Variants in IGF2BP2 observed in about 807,000 individuals in gnomAD.
The protein encoded by IGF2BP2 is insulin-like growth factor 2 mRNA-binding protein 2.
A neutral mutation model predicts 75.8 loss-of-function variants in IGF2BP2; 17 were observed. The observed-to-expected ratio is 0.22, with a 90% CI of 0.15 to 0.34. The LOEUF (loss-of-function observed/expected upper bound fraction) is 0.34, where lower values mean the gene tolerates loss of function less well. IGF2BP2 is among the 10% of genes least tolerant of loss of function. IGF2BP2 has a pLI of 1.00. For synonymous variants in IGF2BP2, 288 were observed against 295.6 expected (o/e 0.97, Z 0.26); for missense variants, 516 against 772.4 (o/e 0.67, Z 3.93).
chr3:185,803,760 G>A (rs1381423481), intron 2 of IGF2BP2, among the ~76,000 whole-genome samples: 1 of 152,190 alleles, frequency 6.6e-6, no homozygotes, highest in Non-Finnish European at 1.5e-5. Flanking sequence ...TTCCTTTAAA[G>A]GGGGGTAGGG....
At chr3:185,652,039 A>T in intron 13 of IGF2BP2, 55 bp downstream of exon 13, 1 of 1,409,036 alleles carries the variant, frequency 7.1e-7, no homozygotes. Context: ...TGTGCCTCTG[A>T]GGTGGCTGCT....
At chr3:185,667,030 A>G (rs1717750686) in intron 10 of IGF2BP2, among the ~76,000 whole-genome samples, 1 of 152,250 alleles carries the variant, frequency 6.6e-6, no homozygotes, top group Admixed American at 6.5e-5. Context: ...GTCAAATAGT[A>G]TAAAACACAC....
At chr3:185,713,205 C>A (rs1725072690) in intron 2 of IGF2BP2, 4 of 347,422 alleles carry the variant, frequency 1.2e-5, no homozygotes, top group South Asian at 9.1e-5. Context: ...ACCACCAGGT[C>A]AAAGTTCACA....
At chr3:185,781,663 T>A (rs1383993930) in intron 2 of IGF2BP2, among the ~76,000 whole-genome samples, 1 of 152,194 alleles carries the variant, frequency 6.6e-6, no homozygotes, top group Non-Finnish European at 1.5e-5. Flanking sequence ...CCAAGTCTTA[T>A]GGGAAAAGCT....
At chr3:185,752,022 T>C (rs1391823518) in intron 2 of IGF2BP2, among the ~76,000 whole-genome samples, 1 of 152,200 alleles carries the variant, frequency 6.6e-6, no homozygotes, top group Non-Finnish European at 1.5e-5. Context: ...GTGTAGGTAT[T>C]TATGAAAATG....
intron 2 of IGF2BP2, among the ~76,000 whole-genome samples, chr3:185,714,160 CCTTT>C (rs1725244967): frequency 6.6e-6 from 1 of 151,628 alleles, no homozygotes; most frequent in South Asian, 2.1e-4. Flanking sequence ...TGAATACATT[CCTTT>C]TTTTTTTTAC....
At chr3:185,735,853 A>AT (rs1486038505) in intron 2 of IGF2BP2, among the ~76,000 whole-genome samples, 1 of 152,194 alleles carries the variant, frequency 6.6e-6, no homozygotes, top group Non-Finnish European at 1.5e-5. Flanking sequence ...AGTGGAGCTC[A>AT]TTAAGTTTGT....
At chr3:185,731,887 CAGG>C (rs1362043683) in intron 2 of IGF2BP2, among the ~76,000 whole-genome samples, 7 of 151,880 alleles carry the variant, frequency 4.6e-5, no homozygotes, top group Admixed American at 1.3e-4. Context: ...GAGGCTGAGG[CAGG>C]AGAATGGCGT....
At chr3:185,821,576 A>C (rs1454929620) in intron 2 of IGF2BP2, among the ~76,000 whole-genome samples, 1 of 152,226 alleles carries the variant, frequency 6.6e-6, no homozygotes, top group Non-Finnish European at 1.5e-5. Context: ...CATATACCAC[A>C]AAATTAAATA....
At chr3:185,803,997 G>T (rs1179473767) in intron 2 of IGF2BP2, among the ~76,000 whole-genome samples, 4 of 152,146 alleles carry the variant, frequency 2.6e-5, no homozygotes. Flanking sequence ...AGCGGCTCAC[G>T]CCTATAATCC....
intron 2 of IGF2BP2, among the ~76,000 whole-genome samples, chr3:185,808,469 A>G (rs956370093): frequency 1.3e-5 from 2 of 152,188 alleles, no homozygotes; most frequent in Non-Finnish European, 2.9e-5. Context: ...AACAAGAGCT[A>G]AACTCCGTCT....
Position 185,647,284 on chromosome 3 carries a change from C to T in IGF2BP2, c.1594-146G>A, listed in dbSNP as rs531632213. ...TCCTTTCCTTTTATCAAGGACACCC[C>T]GGGGGCTCCTCTGCCCCTGAGCACA... On this transcript the variant is annotated intron_variant, in intron 14 of 15. Coordinates refer to ENST00000382199, the MANE Select transcript of IGF2BP2 (RefSeq NM_006548.6). The surrounding 1 kb of genome is among the most constrained non-coding windows in gnomAD (Gnocchi z 4.9). The T allele has an allele frequency of 6.5e-5, 43 of 659,444 alleles. No individual in the cohort carries two copies. Among genetic ancestry groups the T allele is most frequent in the Admixed American group, 1.1e-4 (5 of 44,050 alleles). 40.8% of individuals were successfully genotyped at this position (659,444 alleles called of 1,614,324 possible).
intron 2 of IGF2BP2, among the ~76,000 whole-genome samples, chr3:185,798,411 A>G (rs1359319524): frequency 3.9e-5 from 6 of 152,184 alleles, no homozygotes; most frequent in African/African-American, 9.7e-5. Context: ...TACGAGTACA[A>G]ATAGTGTTAA....
At chr3:185,793,598 A>G (rs1320761664) in intron 2 of IGF2BP2, among the ~76,000 whole-genome samples, 4 of 152,176 alleles carry the variant, frequency 2.6e-5, no homozygotes, top group Non-Finnish European at 4.4e-5. Flanking sequence ...CCAAAAAGAA[A>G]CAACTTTGAT....
intron 2 of IGF2BP2, among the ~76,000 whole-genome samples, chr3:185,732,010 T>C (rs1344116191): frequency 1.3e-5 from 2 of 152,112 alleles, no homozygotes; most frequent in Admixed American, 1.3e-4. Context: ...TCCGGACTTC[T>C]TGTGGTTTCC....
Position 185,643,663 on chromosome 3 carries a change from G to T in IGF2BP2, c.*1868C>A, listed in dbSNP as rs1713003640. The T allele has an allele frequency of 6.6e-6, 1 of 152,390 alleles. No homozygotes were observed. Among genetic ancestry groups the T allele is most frequent in the Admixed American group, 6.6e-5 (1 of 15,262 alleles). 9.4% of individuals were successfully genotyped at this position (152,390 alleles called of 1,614,324 possible). On this transcript the variant is annotated 3_prime_UTR_variant, in exon 16 of 16. Coordinates refer to ENST00000382199, the MANE Select transcript of IGF2BP2 (RefSeq NM_006548.6). ...TCACACCTACCGCCTGTCTGCCCAG[G>T]TCCCTCAGAGCTAGGACTCAGCTGA...
intron 2 of IGF2BP2, among the ~76,000 whole-genome samples, chr3:185,732,586 C>T (rs1257899884): frequency 1.3e-5 from 2 of 152,114 alleles, no homozygotes; most frequent in African/African-American, 4.8e-5. Context: ...CTACAAGGAC[C>T]CTCCCTAGGG....
At chr3:185,683,277 G>A (rs1348264499) in intron 7 of IGF2BP2, among the ~76,000 whole-genome samples, 2 of 152,212 alleles carry the variant, frequency 1.3e-5, no homozygotes, top group Admixed American at 6.5e-5. Context: ...AGAGGCTGAC[G>A]GGAGAGGGAA....
At chr3:185,784,545 A>C (rs1477618803) in intron 2 of IGF2BP2, among the ~76,000 whole-genome samples, 1 of 152,202 alleles carries the variant, frequency 6.6e-6, no homozygotes, top group African/African-American at 2.4e-5. Flanking sequence ...GCAGCTACAG[A>C]GCTGGGTACT....
Sources: gnomAD v4.1 joint callset for allele counts (sites outside exome capture counted in the v4.1 genomes callset) on GRCh38, gnomAD v4.1.1 for gene constraint, Gnocchi (gnomAD v3.1) non-coding constraint, MANE v1.5 for transcripts, NCBI Gene and HGNC (gene_info 2026-07-23, HGNC 2026-07-21) for gene names.